The following KANK1 variants were observed in gnomAD, a reference collection of about 807,000 sequenced individuals.
KANK1 encodes KN motif and ankyrin repeat domains 1.
Under a neutral mutation model 106.2 loss-of-function variants are expected in KANK1, and 109 were observed. That is an observed-to-expected ratio of 1.03 (90% CI 0.88 to 1.20). The LOEUF (loss-of-function observed/expected upper bound fraction) is 1.20, where lower values mean the gene tolerates loss of function less well. Ranked by LOEUF, KANK1 falls within the 50% of genes most tolerant of loss-of-function variation. The pLI, the probability that KANK1 is intolerant of heterozygous loss-of-function variation, is 0.00. For synonymous variants in KANK1, 873 were observed against 652.2 expected, an observed-to-expected ratio of 1.34 and a Z score of -5.16; for missense variants, 2,399 against 1,710.7, an observed-to-expected ratio of 1.40 and a Z score of -7.10.
intron 2 of KANK1, among the ~76,000 whole-genome samples, chr9:678,792 G>A (rs1020511854): frequency 6.6e-6 from 1 of 152,134 alleles, no homozygotes; most frequent in Admixed American, 6.5e-5. Context: ...AGAGGAGATT[G>A]AAACATTATG....
chr9:620,407 T>A (rs10975440), intron 1 of KANK1, among the ~76,000 whole-genome samples: 53,440 of 151,416 alleles, frequency 0.35, 12,141 homozygotes, highest in South Asian at 0.57. Flanking sequence ...TAATTATAAT[T>A]TTTTTTTTTG....
At chr9:540,980 T>G (rs895105876) in intron 1 of KANK1, among the ~76,000 whole-genome samples, 12 of 152,190 alleles carry the variant, frequency 7.9e-5, no homozygotes, top group African/African-American at 2.9e-4. Context: ...CTGCTGACTT[T>G]GGGCTGTTCC....
chr9:664,949 C>G (rs1161576254), intron 1 of KANK1, among the ~76,000 whole-genome samples: 1 of 152,112 alleles, frequency 6.6e-6, no homozygotes, highest in African/African-American at 2.4e-5. Context: ...TTCTTATACC[C>G]TTTGTTCATT....
intron 2 of KANK1, among the ~76,000 whole-genome samples, chr9:704,620 C>G (rs1823526590): frequency 2.0e-5 from 3 of 152,116 alleles, no homozygotes; most frequent in Admixed American, 1.3e-4. Flanking sequence ...CCCAAGTGAA[C>G]TTTCTCATTT....
intron 2 of KANK1, among the ~76,000 whole-genome samples, chr9:699,444 G>C (rs987534783): frequency 6.6e-6 from 1 of 152,156 alleles, no homozygotes; most frequent in African/African-American, 2.4e-5. Flanking sequence ...AGATGGAGCT[G>C]GTATGGAGAA....
rs1835783833 is a variant in KANK1, at chr9:742,213, G to A, written c.3705G>A (p.Gln1235=). Residue 1235 remains glutamine, a synonymous_variant, in exon 10 of 12, where the codon CAG becomes CAA. Transcript: ENST00000382297. The stretch of plus-strand genomic sequence containing the variant: ...GTCATCTCTTCCCATAGGCGGGACA[G>A]ACGGCCCTCATGCTGGCGGTCAGTC... ...DVNAKASQAG[Q]TALMLAVSHG... is the part of the protein sequence containing the mutation. 5 of 1,614,110 alleles carry A rather than the reference G, an allele frequency of 3.1e-6. No homozygotes were observed. Among genetic ancestry groups the A allele is most frequent in the Non-Finnish European group, 4.2e-6 (5 of 1,179,984 alleles).
intron 1 of KANK1, among the ~76,000 whole-genome samples, chr9:606,544 A>C (rs550420427): frequency 7.2e-6 from 1 of 139,246 alleles, no homozygotes; most frequent in Non-Finnish European, 1.5e-5. Flanking sequence ...CAACAACAGC[A>C]AAACTCTGTC....
At chr9:527,138 A>G (rs571269818) in intron 1 of KANK1, among the ~76,000 whole-genome samples, 2 of 151,726 alleles carry the variant, frequency 1.3e-5, no homozygotes, top group East Asian at 3.9e-4. Flanking sequence ...GTGTGTTTGC[A>G]CACCTCAGGG....
chr9:615,401 T>C lies in KANK1; in HGVS notation c.-83-61489T>C, dbSNP rs151153425. ...TGCTAGAATTCCCTCTTTTTTTCTT[T>C]CTACAGAAGTATCACTGGGTGGGAG... is the stretch of plus-strand genomic sequence containing the variant. On this transcript the variant is annotated intron_variant, in intron 1 of 11. Transcript: ENST00000382297. 8.4e-4 allele frequency among the ~76,000 whole-genome samples: 128 copies of C among 152,352 alleles called. 1 individual carries two copies. The highest frequency in any genetic ancestry group is 3.0e-3 in the African/African-American group (124 of 41,574).
intron 1 of KANK1, among the ~76,000 whole-genome samples, chr9:525,363 G>GTT (rs1350050475): frequency 1.3e-5 from 2 of 150,796 alleles, no homozygotes; most frequent in African/African-American, 4.9e-5. Flanking sequence ...GTGTGTGTGT[G>GTT]TGTGTGTGTG....
At position 523,856 on chromosome 9, in the gene KANK1, A is replaced by G. The variant is rs559325659; in HGVS notation, c.-84+19102A>G. On this transcript the variant is annotated intron_variant, in intron 1 of 11. Coordinates refer to ENST00000382297, the MANE Select transcript of KANK1 (RefSeq NM_015158.5). ...ATATCAAAAATTAACCAGTATTATT[A>G]TGGAATTTACCTATTATATTTATTG... Among the ~76,000 whole-genome samples, 116 of 151,054 alleles carry G rather than the reference A, an allele frequency of 7.7e-4. 5 individuals are homozygous for G. The highest frequency in any genetic ancestry group is 2.8e-3 in the African/African-American group (112 of 40,656).
At chr9:701,705 G>GA (rs1447458591) in intron 2 of KANK1, among the ~76,000 whole-genome samples, 1 of 152,104 alleles carries the variant, frequency 6.6e-6, no homozygotes, top group Non-Finnish European at 1.5e-5. Context: ...TGGTTTAAAA[G>GA]AAAAATTACC....
At chr9:514,837 A>G (rs933556873) in intron 1 of KANK1, among the ~76,000 whole-genome samples, 1 of 151,710 alleles carries the variant, frequency 6.6e-6, no homozygotes, top group African/African-American at 2.4e-5. Context: ...ATGCAGTTCA[A>G]CTGGAGTAGG....
intron 1 of KANK1, among the ~76,000 whole-genome samples, 192 bp from the exon 2 acceptor site, chr9:676,698 C>T (rs929982827): frequency 2.6e-5 from 4 of 152,112 alleles, no homozygotes; most frequent in African/African-American, 7.2e-5. Flanking sequence ...AGTATGTAGC[C>T]ACTGGTACAT....
chr9:474,582 C>A (rs571869467), intron 3 of KANK1, among the ~76,000 whole-genome samples: 1 of 152,178 alleles, frequency 6.6e-6, no homozygotes, highest in South Asian at 2.1e-4. Flanking sequence ...CTATCTTTTC[C>A]CTGTGTCGTT....
chr9:649,248 C>A (rs1423484354), intron 1 of KANK1, among the ~76,000 whole-genome samples: 2 of 152,058 alleles, frequency 1.3e-5, no homozygotes, highest in African/African-American at 4.8e-5. Context: ...CCCATTAGTT[C>A]TTTACAGGTA....
At chr9:545,722 GCCTTTTT>G (rs79747057) in intron 1 of KANK1, among the ~76,000 whole-genome samples, 3 of 128,014 alleles carry the variant, frequency 2.3e-5, no homozygotes, top group African/African-American at 9.4e-5. Flanking sequence ...CCTGTACAGA[GCCTTTTT>G]TTTTTTTTTT....
chr9:655,324 T>G (rs1422482241), intron 1 of KANK1, among the ~76,000 whole-genome samples: 3 of 147,028 alleles, frequency 2.0e-5, no homozygotes, highest in Admixed American at 1.4e-4. Context: ...TGAGTGGAGA[T>G]CACTCCATTG....
At chr9:710,607 A>G (rs976948411) in intron 2 of KANK1, among the ~76,000 whole-genome samples, 197 bp from the exon 3 acceptor site, 4 of 122,410 alleles carry the variant, frequency 3.3e-5, no homozygotes, top group Non-Finnish European at 6.5e-5. Context: ...TGACAGAATG[A>G]CCTGTCTCAA....
Sources: gnomAD v4.1 joint callset for allele counts (sites outside exome capture counted in the v4.1 genomes callset) on GRCh38, gnomAD v4.1.1 for gene constraint, MANE v1.5 for transcripts, NCBI Gene and HGNC (gene_info 2026-07-23, HGNC 2026-07-21) for gene names.